SCAI: variants seen among roughly 807,000 people sequenced by gnomAD.
The protein encoded by SCAI is protein SCAI.
SCAI carries 24 observed loss-of-function variants against 92.2 expected under a neutral mutation model. The ratio of observed to expected loss-of-function variants is 0.26; its 90% CI spans 0.19 to 0.37. The LOEUF (loss-of-function observed/expected upper bound fraction) is 0.37, where lower values mean the gene tolerates loss of function less well. SCAI is among the 10% of genes least tolerant of loss of function. The pLI, the probability that SCAI is intolerant of heterozygous loss-of-function variation, is 1.00. For synonymous variants in SCAI, 261 were observed against 258.6 expected, an observed-to-expected ratio of 1.01 and a Z score of -0.09; for missense variants, 450 against 736.2, an observed-to-expected ratio of 0.61 and a Z score of 4.50.
Position 124,996,220 on chromosome 9 carries a change from T to TG in SCAI, c.1245-1206dup, listed in dbSNP as rs899773048. Among the ~76,000 whole-genome samples, 11 of 12,868 alleles carry TG rather than the reference T, an allele frequency of 8.5e-4. No individual in the cohort carries two copies. In the South Asian group the frequency reaches 9.0e-3, roughly 11 times the overall value. 8.4% of individuals were successfully genotyped at this position (12,868 alleles called of 152,430 possible). On this transcript the variant is annotated intron_variant, in intron 13 of 17. Transcript: ENST00000336505. Reference sequence around the variant, plus strand: ...GTGTGTGTGGGCGGTGGGGCGGGGGTGGGGGGGTGGTGCTGGGGGCAGTGG... The same window carrying TG: ...GTGTGTGTGGGCGGTGGGGCGGGGGTGGGGGGGGTGGTGCTGGGGGCAGTGG...
At chr9:125,049,721 A>G (rs1227475541) in intron 3 of SCAI, among the ~76,000 whole-genome samples, 1 of 152,232 alleles carries the variant, frequency 6.6e-6, no homozygotes, top group Non-Finnish European at 1.5e-5. Context: ...ACAGCTTAAT[A>G]TAATGTGGAA....
chr9:125,121,904 A>G (rs906966057), intron 2 of SCAI, among the ~76,000 whole-genome samples: 1 of 152,224 alleles, frequency 6.6e-6, no homozygotes, highest in Admixed American at 6.5e-5. Context: ...ATGAACATCT[A>G]TATGACAACT....
At chr9:125,139,155 A>G (rs958689930) in intron 2 of SCAI, among the ~76,000 whole-genome samples, 3 of 152,332 alleles carry the variant, frequency 2.0e-5, no homozygotes, top group African/African-American at 7.2e-5. Context: ...GCTGACGCCT[A>G]TAATTCAAAC....
In SCAI at chr9:125,084,158, C is replaced by CTT. The variant is rs34786493; in HGVS notation, c.99-28153_99-28152dup. 6.2e-3 allele frequency among the ~76,000 whole-genome samples: 402 copies of CTT among 65,124 alleles called. 109 individuals are homozygous for CTT. In the East Asian group the frequency reaches 0.087, roughly 14 times the overall value. The allele number at this position is 65,124 out of a possible 152,430, so 42.7% of individuals were successfully genotyped here. ...ATATGAACAGGACTCTTGGCTGCTGCTTTTTTTTTTTTTTTTTTTTTTTTT... is the reference window on the plus strand; with the variant it reads ...ATATGAACAGGACTCTTGGCTGCTGCTTTTTTTTTTTTTTTTTTTTTTTTTTT... On this transcript the variant is annotated intron_variant, in intron 2 of 17. Coordinates refer to ENST00000336505, the MANE Select transcript of SCAI (RefSeq NM_001144877.3).
chr9:125,018,043 C>T (rs1416394084), intron 9 of SCAI, among the ~76,000 whole-genome samples: 1 of 151,834 alleles, frequency 6.6e-6, no homozygotes, highest in South Asian at 2.1e-4. Flanking sequence ...ACCAACTCCT[C>T]GCCCCTTTTT....
chr9:124,957,287 C>T (rs934494783), intron 17 of SCAI, among the ~76,000 whole-genome samples: 1 of 152,074 alleles, frequency 6.6e-6, no homozygotes, highest in Non-Finnish European at 1.5e-5. Flanking sequence ...GCCAGCATAC[C>T]CAGCCACAAG....
intron 17 of SCAI, 80 bp from the exon 18 acceptor site, chr9:124,953,033 G>A: frequency 8.8e-7 from 1 of 1,134,218 alleles, no homozygotes; most frequent in Non-Finnish European, 1.3e-6. Context: ...GTGTCAAGGA[G>A]TAATATGTAT....
At chr9:125,122,451 T>C (rs1258819313) in intron 2 of SCAI, among the ~76,000 whole-genome samples, 1 of 149,958 alleles carries the variant, frequency 6.7e-6, no homozygotes, top group Non-Finnish European at 1.5e-5. Context: ...TATCCAGGTG[T>C]GGTGGCAGAC....
chr9:125,005,930 A>G (rs1832496993), intron 9 of SCAI, among the ~76,000 whole-genome samples: 2 of 152,230 alleles, frequency 1.3e-5, no homozygotes, highest in South Asian at 4.1e-4. Context: ...ATTCACGGCC[A>G]TATGCTGATT....
At chr9:125,136,145 CT>C (rs1367634226) in intron 2 of SCAI, among the ~76,000 whole-genome samples, 3 of 147,816 alleles carry the variant, frequency 2.0e-5, no homozygotes, top group African/African-American at 7.5e-5. Context: ...CAGGTTTTCA[CT>C]GTTGCCCAGG....
chr9:125,143,357 A>G, intron 1 of SCAI, 28 bp downstream of exon 1: 1 of 1,046,956 alleles, frequency 9.6e-7, no homozygotes, highest in Non-Finnish European at 1.2e-6. Flanking sequence ...CCCCATCCCC[A>G]ACCCCGGCCT....
chr9:125,117,221 A>C (rs1275300799), intron 2 of SCAI, among the ~76,000 whole-genome samples: 5 of 152,246 alleles, frequency 3.3e-5, no homozygotes, highest in African/African-American at 1.2e-4. Flanking sequence ...ATGCAATAGC[A>C]TAAACTACCT....
At chr9:125,063,447 C>G (rs1833815653) in intron 2 of SCAI, among the ~76,000 whole-genome samples, 1 of 147,356 alleles carries the variant, frequency 6.8e-6, no homozygotes, top group Non-Finnish European at 1.5e-5. Flanking sequence ...AAGAGTGTAA[C>G]AGTAAAATTA....
intron 15 of SCAI, among the ~76,000 whole-genome samples, chr9:124,974,626 C>T (rs1033653857): frequency 6.6e-6 from 1 of 152,114 alleles, no homozygotes; most frequent in Non-Finnish European, 1.5e-5. Context: ...ACATTTCTCA[C>T]AGAAGAATTT....
chr9:125,002,082 A>C, intron 11 of SCAI, 39 bp from the exon 12 acceptor site: 4 of 1,301,222 alleles, frequency 3.1e-6, no homozygotes, highest in Non-Finnish European at 4.5e-6. Flanking sequence ...AACAACAAAC[A>C]AGGATAAACA....
chr9:125,049,540 C>T (rs745813203), intron 3 of SCAI, among the ~76,000 whole-genome samples: 2 of 152,210 alleles, frequency 1.3e-5, no homozygotes, highest in Non-Finnish European at 2.9e-5. Context: ...TGCGAAACAT[C>T]ATTCATTTCA....
intron 3 of SCAI, among the ~76,000 whole-genome samples, chr9:125,032,192 TA>T (rs1205551810): frequency 0.015 from 1,128 of 74,690 alleles, 12 homozygotes; most frequent in African/African-American, 0.025. Flanking sequence ...TATATATATA[TA>T]TATTTTTTTT....
chr9:124,971,858 C>A lies in SCAI; in HGVS notation c.1400-14G>T. The A allele has an allele frequency of 1.3e-6, 2 of 1,544,666 alleles. No individual in the cohort carries two copies. Among genetic ancestry groups the A allele is most frequent in the South Asian group, 1.2e-5 (1 of 81,426 alleles). On this transcript the variant is annotated splice_polypyrimidine_tract_variant and intron_variant, in intron 15 of 17. Transcript: ENST00000336505. ...GCTGAGATTGATCTGTAATAACAAA[C>A]ATGTTATATATATAGACAATAGTTT...
chr9:125,136,742 A>G (rs913271355), intron 2 of SCAI, among the ~76,000 whole-genome samples: 1 of 149,798 alleles, frequency 6.7e-6, no homozygotes, highest in Non-Finnish European at 1.5e-5. Context: ...TACAGGTGTG[A>G]GCCAGCATGC....
Sources: allele counts gnomAD v4.1 joint callset (sites outside exome capture counted in the v4.1 genomes callset), GRCh38; gene constraint gnomAD v4.1.1; transcripts MANE v1.5; gene names NCBI Gene and HGNC (gene_info 2026-07-23, HGNC 2026-07-21).